Variants in ERCC3 observed in about 807,000 individuals in gnomAD.
ERCC3 encodes the protein general transcription and DNA repair factor IIH helicase/translocase subunit XPB.
ERCC3 carries 66 observed loss-of-function variants against 94.2 expected under a neutral mutation model. That is an observed-to-expected ratio of 0.70 (90% CI 0.57 to 0.86). The LOEUF is 0.86. Ranked by LOEUF, ERCC3 falls within the 40% of genes least tolerant of loss-of-function variation. The pLI is 0.00. For synonymous variants in ERCC3, 349 were observed against 369.1 expected, an observed-to-expected ratio of 0.95 and a Z score of 0.63; for missense variants, 829 against 987.1, an observed-to-expected ratio of 0.84 and a Z score of 2.15.
rs1203310487 is a variant in ERCC3, at chr2:127,279,858, C to T, written c.1528-483G>A. Among the ~76,000 whole-genome samples the T allele has an allele frequency of 1.3e-5, 2 of 152,156 alleles. No individual in the cohort carries two copies. The highest frequency in any genetic ancestry group is 3.8e-4 in the East Asian group (2 of 5,198). On this transcript the variant is annotated intron_variant, in intron 9 of 14. Coordinates refer to ENST00000285398, the MANE Select transcript of ERCC3 (RefSeq NM_000122.2). This position sits in a 1 kb window ranked among gnomAD's most constrained non-coding sequence, Gnocchi z 4.7. ...ACCTAATACCTCCTATTGAACTGGA[C>T]GTTTTCACATGTTAACCACTTAAAA...
At chr2:127,267,625 G>C (rs1205738986) in intron 12 of ERCC3, among the ~76,000 whole-genome samples, 1 of 152,136 alleles carries the variant, frequency 6.6e-6, no homozygotes, top group African/African-American at 2.4e-5. Flanking sequence ...TGAGACATGA[G>C]GCTTTATTCC....
At chr2:127,268,191 T>C (rs1355927241) in intron 12 of ERCC3, among the ~76,000 whole-genome samples, 2 of 152,050 alleles carry the variant, frequency 1.3e-5, no homozygotes, top group Admixed American at 6.6e-5. Flanking sequence ...TGACCTCAGG[T>C]GATCCACTCA....
At position 127,258,575 on chromosome 2, in the gene ERCC3, C is replaced by G. The variant is rs1276838573; in HGVS notation, c.2217+721G>C. On this transcript the variant is annotated intron_variant, in intron 14 of 14. Transcript: ENST00000285398. This position sits in a 1 kb window ranked among gnomAD's most constrained non-coding sequence, Gnocchi z 4.1. ...GCCTTAGGCTGGAGGGAGGGCAGCCCCTTCCCAGGGACAGCTGTTTCCTTC... is the reference window on the plus strand; with the variant it reads ...GCCTTAGGCTGGAGGGAGGGCAGCCGCTTCCCAGGGACAGCTGTTTCCTTC... 1.3e-5 allele frequency among the ~76,000 whole-genome samples: 2 copies of G among 152,106 alleles called. No individual in the cohort carries two copies. Among genetic ancestry groups the G allele is most frequent in the East Asian group, 3.9e-4 (2 of 5,174 alleles).
In ERCC3 at chr2:127,293,835, C is replaced by T. The variant is rs552495433; in HGVS notation, c.29-117G>A. ...CTCCTAGCTAAGAGCCACCTGCATC[C>T]CGCAGGCGTTGCGCCCCTCACCCGT... On this transcript the variant is annotated intron_variant, in intron 1 of 14. Transcript: ENST00000285398. 20 of 1,585,014 alleles carry T rather than the reference C, an allele frequency of 1.3e-5. No homozygotes were observed. The South Asian group carries it at 2.0e-4, about 16-fold the overall frequency.
chr2:127,274,157 T>TA lies in ERCC3; in HGVS notation c.1731-1197dup, dbSNP rs1684658449. 6.7e-6 allele frequency among the ~76,000 whole-genome samples: 1 copy of TA among 150,122 alleles called. No individual in the cohort carries two copies. Among genetic ancestry groups the TA allele is most frequent in the African/African-American group, 2.5e-5 (1 of 40,786 alleles). ...GGTGAGACCCCATCTCTACTAAAAATAAAAAAAATTAGCTGGGTATGGTGG... is the reference window on the plus strand; with the variant it reads ...GGTGAGACCCCATCTCTACTAAAAATAAAAAAAAATTAGCTGGGTATGGTGG... On this transcript the variant is annotated intron_variant, in intron 10 of 14. Transcript: ENST00000285398. This position sits in a 1 kb window ranked among gnomAD's most constrained non-coding sequence, Gnocchi z 4.0.
chr2:127,280,560 G>T lies in ERCC3; in HGVS notation c.1414C>A (p.Arg472Ser). The T allele has an allele frequency of 6.2e-7, 1 of 1,614,128 alleles. No homozygotes were observed. Among genetic ancestry groups the T allele is most frequent in the South Asian group, 1.1e-5 (1 of 91,070 alleles). The part of the protein sequence containing the change: ...CKLGLTATLV[R>S]EDDKIVDLNF... ...AAATCCACAATTTTGTCATCTTCGC[G>T]GACGAGGGTCGCAGTCAAACCCAGC... Residue 472 changes from arginine to serine, a missense_variant, in exon 9 of 15, where the codon CGC becomes AGC. By Grantham distance (110) the Arg-to-Ser change is moderately radical. Coordinates refer to ENST00000285398, the MANE Select transcript of ERCC3 (RefSeq NM_000122.2). The surrounding 1 kb of genome is among the most constrained non-coding windows in gnomAD (Gnocchi z 6.3).
Position 127,266,584 on chromosome 2 carries a change from G to C in ERCC3, c.1945+4752C>G, listed in dbSNP as rs1009102492. ...GATCTCCTGACCTCGTGATCCACCC[G>C]CCTTGGCTTCCCAAAGTGCTGGGAT... On this transcript the variant is annotated intron_variant, in intron 12 of 14. Transcript: ENST00000285398. Among the ~76,000 whole-genome samples the C allele has an allele frequency of 2.6e-5, 4 of 151,754 alleles. No homozygotes were observed. In the South Asian group the frequency reaches 8.3e-4, roughly 31 times the overall value.
intron 7 of ERCC3, among the ~76,000 whole-genome samples, chr2:127,288,357 C>T (rs1012282477): frequency 6.6e-6 from 1 of 152,210 alleles, no homozygotes; most frequent in African/African-American, 2.4e-5. Flanking sequence ...TCTAATTTTT[C>T]TTCGCTGACT....
intron 12 of ERCC3, chr2:127,261,972 ACTT>A (rs997720954): frequency 6.5e-6 from 1 of 153,156 alleles, no homozygotes; most frequent in African/African-American, 2.4e-5. Context: ...TGGCAATTCC[ACTT>A]CCAGGCATAA....
chr2:127,265,605 G>GGGGTTTAGGAGAA (rs773241762), intron 12 of ERCC3, among the ~76,000 whole-genome samples: 32 of 152,146 alleles, frequency 2.1e-4, no homozygotes, highest in Non-Finnish European at 4.0e-4. Context: ...TTTTAGTAGA[G>GGGGTTTAGGAGAA]ACGGGGTTTC....
In ERCC3 at chr2:127,271,486, G is replaced by T; in HGVS notation, c.1828-33C>A. 7.1e-7 allele frequency: 1 copy of T among 1,414,986 alleles called. No homozygotes were observed. Among genetic ancestry groups the T allele is most frequent in the Non-Finnish European group, 9.8e-7 (1 of 1,016,888 alleles). The allele number at this position is 1,414,986 out of a possible 1,614,324, so 87.7% of individuals were successfully genotyped here. A position where few individuals can be genotyped will look rare whatever the true frequency, so the allele number is the denominator to read the frequency against. On this transcript the variant is annotated intron_variant, in intron 11 of 14. Transcript: ENST00000285398. This position sits in a 1 kb window ranked among gnomAD's most constrained non-coding sequence, Gnocchi z 5.0. ...AACAAGTTGGAAGGTTTTTATATAT[G>T]AGGAAAAAAAAAAAGTCAACTGATC...
At chr2:127,263,755 TGG>T (rs1684268969) in intron 12 of ERCC3, among the ~76,000 whole-genome samples, 1 of 151,244 alleles carries the variant, frequency 6.6e-6, no homozygotes, top group Non-Finnish European at 1.5e-5. Context: ...TCGCCCAGGC[TGG>T]AGTGCAGTGG....
chr2:127,274,519 C>A lies in ERCC3; in HGVS notation c.1731-1558G>T, dbSNP rs1340168014. 6.6e-6 allele frequency among the ~76,000 whole-genome samples: 1 copy of A among 152,186 alleles called. No homozygotes were observed. The highest frequency in any genetic ancestry group is 1.5e-5 in the Non-Finnish European group (1 of 68,024). ...AGAGCAGTGCCCATTAATGGATGTA[C>A]CTCAAAGAGCAAACCCCTTGCCTGT... On this transcript the variant is annotated intron_variant, in intron 10 of 14. Transcript: ENST00000285398. This position sits in a 1 kb window ranked among gnomAD's most constrained non-coding sequence, Gnocchi z 4.0.
rs1053417638 is a variant in ERCC3, at chr2:127,259,477, C to A, written c.2065-29G>T. ...CAAAGCCCAAGCCAGCAGACATGCCCCTTTCTGCTCTCTCTCCCCAGCCCT... is the reference window on the plus strand; with the variant it reads ...CAAAGCCCAAGCCAGCAGACATGCCACTTTCTGCTCTCTCTCCCCAGCCCT... On this transcript the variant is annotated intron_variant, in intron 13 of 14. Transcript: ENST00000285398. The surrounding 1 kb of genome is among the most constrained non-coding windows in gnomAD (Gnocchi z 4.9). 5 of 1,613,650 alleles carry A rather than the reference C, an allele frequency of 3.1e-6. No homozygotes were observed. In the African/African-American group the frequency reaches 5.3e-5, roughly 17 times the overall value.
At chr2:127,283,853 A>G (rs892794612) in intron 8 of ERCC3, among the ~76,000 whole-genome samples, 1 of 152,168 alleles carries the variant, frequency 6.6e-6, no homozygotes, top group Non-Finnish European at 1.5e-5. Context: ...TGACATATGT[A>G]TATCCTTTTT....
chr2:127,290,560 C>T, intron 3 of ERCC3: 1 of 482,278 alleles, frequency 2.1e-6, no homozygotes, highest in Non-Finnish European at 3.8e-6. Context: ...TCTATTCCCA[C>T]AGCCCCCACC....
At chr2:127,283,181 T>C (rs1684969469) in intron 8 of ERCC3, among the ~76,000 whole-genome samples, 1 of 151,932 alleles carries the variant, frequency 6.6e-6, no homozygotes, top group Non-Finnish European at 1.5e-5. Context: ...ATATTTACAT[T>C]TTTGTAACCA....
chr2:127,292,398 CCA>C lies in ERCC3; in HGVS notation c.471+210_471+211del. ...CCTCACCCAGAACACAATGCTGGAT[CCA>C]GAGTGTAGCGGCTCATGAGAAGCAT... On this transcript the variant is annotated intron_variant, in intron 3 of 14. Coordinates refer to ENST00000285398, the MANE Select transcript of ERCC3 (RefSeq NM_000122.2). The C allele has an allele frequency of 4.8e-6, 3 of 630,140 alleles. No homozygotes were observed. The South Asian group carries it at 5.1e-5, about 11-fold the overall frequency. 39.0% of individuals were successfully genotyped at this position (630,140 alleles called of 1,614,324 possible).
Position 127,291,682 on chromosome 2 carries a change from G to A in ERCC3, c.471+928C>T, listed in dbSNP as rs1685275363. Among the ~76,000 whole-genome samples, 1 of 152,184 alleles carries A rather than the reference G, an allele frequency of 6.6e-6. No homozygotes were observed. The highest frequency in any genetic ancestry group is 1.5e-5 in the Non-Finnish European group (1 of 68,044). On this transcript the variant is annotated intron_variant, in intron 3 of 14. Coordinates refer to ENST00000285398, the MANE Select transcript of ERCC3 (RefSeq NM_000122.2). The surrounding 1 kb of genome is among the most constrained non-coding windows in gnomAD (Gnocchi z 4.9). The stretch of plus-strand genomic sequence containing the variant: ...CTCTTCTGCCACTCCAGATCCCAAG[G>A]TCTGAATCTGACTCCTTTTGGATCA...
Sources: gnomAD v4.1 joint callset for allele counts (sites outside exome capture counted in the v4.1 genomes callset) on GRCh38, gnomAD v4.1.1 for gene constraint, Gnocchi (gnomAD v3.1) non-coding constraint, MANE v1.5 for transcripts, NCBI Gene and HGNC (gene_info 2026-07-23, HGNC 2026-07-21) for gene names.